MEI1: variants seen among roughly 807,000 people sequenced by gnomAD.
MEI1 encodes the protein meiotic double-stranded break formation protein 1, also known as meiosis inhibitor protein 1.
MEI1 carries 103 observed loss-of-function variants against 146.2 expected under a neutral mutation model. The observed-to-expected ratio is 0.70, with a 90% CI of 0.60 to 0.83. The LOEUF is 0.83. MEI1 is among the 40% of genes least tolerant of loss of function. The pLI is 0.00. For missense variants in MEI1, 1,529 were observed against 1,533.0 expected (o/e 1.00, Z 0.04); for synonymous variants, 652 against 628.2 (o/e 1.04, Z -0.57).
intron 1 of MEI1, among the ~76,000 whole-genome samples, 154 bp downstream of exon 1, chr22:41,699,866 C>G (rs1361872809): frequency 2.0e-5 from 3 of 152,240 alleles, no homozygotes; most frequent in Non-Finnish European, 1.5e-5. Flanking sequence ...CGTCCCGGAC[C>G]CGGCCGCAGC....
rs764979273 is a variant in MEI1 at position 41,732,296 on chromosome 22, T to C, written c.1148T>C (p.Ile383Thr). ...SLQGSLKMNN[I>T]ELHKQGLLLF... The stretch of plus-strand genomic sequence containing the variant: ...CAGGGAAGCCTGAAGATGAACAACA[T>C]AGAGCTGCACAAGCAGGGCCTGCTG... The change falls in exon 10 of 31, where the codon ATA (isoleucine) becomes ACA (threonine). Residue 383 changes from isoleucine (I) to threonine (T), a missense_variant. This residue lies in a region of MEI1 where 1,212 missense variants were observed against 1,178.9 expected (regional missense o/e 1.03). Coordinates refer to ENST00000401548, the MANE Select transcript of MEI1 (RefSeq NM_152513.4). The C allele has an allele frequency of 8.7e-6, 14 of 1,612,440 alleles. No homozygotes were observed. Among genetic ancestry groups the C allele is most frequent in the Non-Finnish European group, 1.2e-5 (14 of 1,179,416 alleles).
intron 15 of MEI1, among the ~76,000 whole-genome samples, chr22:41,749,857 GT>G (rs2073626735): frequency 1.3e-5 from 2 of 151,888 alleles, no homozygotes; most frequent in African/African-American, 4.8e-5. Flanking sequence ...ATGGTGGTGT[GT>G]TTAACTGAGA....
At position 41,730,622 on chromosome 22, in the gene MEI1, T is replaced by G. The variant is rs768529707; in HGVS notation, c.1081T>G (p.Cys361Gly). ...AGAAGAGCCACTCTTTTTTTCCAAG[T>G]GCCACACGGTGTATGGTTGGTAGTA... Reference protein sequence around the residue: ...LVEEPLFFSKCHTVYGIEAVV... With the variant: ...LVEEPLFFSKGHTVYGIEAVV... Residue 361 changes from cysteine (C) to glycine (G), a missense_variant, in exon 9 of 31, where the codon TGC becomes GGC. Transcript: ENST00000401548. 2.0e-5 allele frequency: 32 copies of G among 1,612,528 alleles called. No individual in the cohort carries two copies. Among genetic ancestry groups the G allele is most frequent in the Non-Finnish European group, 2.1e-5 (25 of 1,178,716 alleles).
In MEI1 at chr22:41,716,891, A is replaced by G. The variant is rs576934674; in HGVS notation, c.529+745A>G. Among the ~76,000 whole-genome samples, 580 of 148,586 alleles carry G rather than the reference A, an allele frequency of 3.9e-3. 3 individuals are homozygous for G. The highest frequency in any genetic ancestry group is 5.2e-3 in the Non-Finnish European group (354 of 67,450). The stretch of plus-strand genomic sequence containing the variant: ...TTTTTAGTAGAGACGGAGTTTCACC[A>G]TGTTAGCCAGGATGGTCTCGATCTC... On this transcript the variant is annotated intron_variant, in intron 5 of 30. Coordinates refer to ENST00000401548, the MANE Select transcript of MEI1 (RefSeq NM_152513.4).
chr22:41,729,132 T>C (rs1601785073), intron 7 of MEI1, among the ~76,000 whole-genome samples: 1 of 121,994 alleles, frequency 8.2e-6, no homozygotes, highest in Admixed American at 1.1e-4. Context: ...GCCACTGTAC[T>C]CCAGCCTGGG....
chr22:41,718,865 C>CT (rs1487752498), intron 6 of MEI1, among the ~76,000 whole-genome samples: 1 of 151,498 alleles, frequency 6.6e-6, no homozygotes, highest in Admixed American at 6.6e-5. Context: ...TGAACTTGTC[C>CT]TTTTTTTTCT....
At chr22:41,775,213 G>A (rs1170442395) in intron 20 of MEI1, among the ~76,000 whole-genome samples, 3 of 152,156 alleles carry the variant, frequency 2.0e-5, no homozygotes, top group Non-Finnish European at 2.9e-5. Context: ...CCCATCTTCC[G>A]AGCCTAAGAC....
intron 18 of MEI1, among the ~76,000 whole-genome samples, chr22:41,760,070 G>T (rs2074375368): frequency 6.6e-6 from 1 of 152,060 alleles, no homozygotes; most frequent in African/African-American, 2.4e-5. Flanking sequence ...AGCTCTTTGG[G>T]AGGCCGAGAT....
intron 1 of MEI1, among the ~76,000 whole-genome samples, chr22:41,702,099 G>T (rs1171736450): frequency 6.6e-6 from 1 of 152,202 alleles, no homozygotes; most frequent in African/African-American, 2.4e-5. Context: ...CCTTACAGTA[G>T]CACAGATGAG....
At chr22:41,758,872 G>A (rs2074271021) in intron 18 of MEI1, among the ~76,000 whole-genome samples, 1 of 152,250 alleles carries the variant, frequency 6.6e-6, no homozygotes, top group Non-Finnish European at 1.5e-5. Context: ...GCTGGGCATG[G>A]TGGCTCACGC....
At chr22:41,712,535 C>G (rs2069679764) in intron 3 of MEI1, among the ~76,000 whole-genome samples, 1 of 151,578 alleles carries the variant, frequency 6.6e-6, no homozygotes, top group Admixed American at 6.6e-5. Flanking sequence ...GCGCCCGGCT[C>G]AAAAGCAGTT....
chr22:41,701,689 A>G (rs1333932568), intron 1 of MEI1, among the ~76,000 whole-genome samples: 2 of 152,166 alleles, frequency 1.3e-5, no homozygotes, highest in Non-Finnish European at 2.9e-5. Context: ...GAGAAATAAG[A>G]GAACATGTTA....
intron 18 of MEI1, among the ~76,000 whole-genome samples, chr22:41,759,919 A>G (rs1315812444): frequency 6.6e-6 from 1 of 152,156 alleles, no homozygotes; most frequent in Non-Finnish European, 1.5e-5. Flanking sequence ...CACATCTGTA[A>G]TCCCAGCACT....
At chr22:41,705,987 C>T (rs747202187) in intron 3 of MEI1, among the ~76,000 whole-genome samples, 34 of 151,944 alleles carry the variant, frequency 2.2e-4, no homozygotes, top group Non-Finnish European at 4.6e-4. Flanking sequence ...GGATTACAGG[C>T]ATGAGCCACT....
intron 19 of MEI1, among the ~76,000 whole-genome samples, chr22:41,768,763 G>C (rs6002472): frequency 6.6e-6 from 1 of 152,108 alleles, no homozygotes; most frequent in Admixed American, 6.5e-5. Flanking sequence ...GAACAGCAAC[G>C]GGGAGGTCCA....
intron 17 of MEI1, among the ~76,000 whole-genome samples, chr22:41,757,532 A>T (rs932583802): frequency 6.6e-6 from 1 of 151,200 alleles, no homozygotes; most frequent in Admixed American, 6.6e-5. Flanking sequence ...TAATTTTTGT[A>T]TTTTTGTAGG....
At chr22:41,711,733 A>G (rs2069584060) in intron 3 of MEI1, among the ~76,000 whole-genome samples, 1 of 152,038 alleles carries the variant, frequency 6.6e-6, no homozygotes, top group Admixed American at 6.6e-5. Flanking sequence ...AGCTTTTCCA[A>G]CCTTACCAAA....
At chr22:41,785,676 G>A (rs2075944420) in intron 26 of MEI1, among the ~76,000 whole-genome samples, 1 of 151,558 alleles carries the variant, frequency 6.6e-6, no homozygotes, top group African/African-American at 2.4e-5. Flanking sequence ...TGATTCTCCT[G>A]TCTCAGCCTC....
At chr22:41,767,395 G>A (rs1433857704) in intron 19 of MEI1, among the ~76,000 whole-genome samples, 1 of 152,160 alleles carries the variant, frequency 6.6e-6, no homozygotes, top group East Asian at 1.9e-4. Flanking sequence ...AGTTATCTCT[G>A]AGATCCTTTC....
Sources: gnomAD v4.1 joint callset for allele counts (sites outside exome capture counted in the v4.1 genomes callset) on GRCh38, gnomAD v4.1.1 for gene constraint, gnomAD v4.1.1 regional missense constraint, MANE v1.5 for transcripts, NCBI Gene and HGNC (gene_info 2026-07-23, HGNC 2026-07-21) for gene names.